The following RGS3 variants were observed in gnomAD, a reference collection of about 807,000 sequenced individuals.
RGS3 encodes the protein regulator of G-protein signalling 3.
A neutral mutation model predicts 132.6 loss-of-function variants in RGS3; 80 were observed. The observed-to-expected ratio is 0.60, with a 90% CI of 0.50 to 0.73. The LOEUF is 0.73. RGS3 is among the 30% of genes least tolerant of loss of function. The probability of loss-of-function intolerance (pLI) is 0.00; values close to 1 mark genes in which losing one functional copy is unlikely to be tolerated. For synonymous variants in RGS3, 598 were observed against 620.6 expected, an observed-to-expected ratio of 0.96 and a Z score of 0.54; for missense variants, 1,382 against 1,530.8, an observed-to-expected ratio of 0.90 and a Z score of 1.62.
At chr9:113,584,358 C>T (rs200032489) in exon 20 of RGS3, 2 of 1,571,248 alleles carry the variant, frequency 1.3e-6, no homozygotes, top group African/African-American at 1.4e-5. Flanking sequence ...CCAGCACCCT[C>T]AAGAAAGAGC....
chr9:113,472,099 T>TA (rs1829853841), intron 3 of RGS3, among the ~76,000 whole-genome samples: 1 of 151,978 alleles, frequency 6.6e-6, no homozygotes, highest in African/African-American at 2.4e-5. Context: ...ATGACTATAA[T>TA]AAAAAAAGAG....
At chr9:113,453,109 A>G (rs1005354994) in intron 1 of RGS3, among the ~76,000 whole-genome samples, 1 of 134,964 alleles carries the variant, frequency 7.4e-6, no homozygotes, top group Non-Finnish European at 1.5e-5. Flanking sequence ...ATATAAATTT[A>G]CATACTCATT....
rs758384350 is a variant in RGS3 at position 113,463,837 on chromosome 9, G to C, written c.415+1636G>C. On this transcript the variant is annotated intron_variant, in intron 3 of 24. Transcript: ENST00000350696. This position sits in a 1 kb window ranked among gnomAD's most constrained non-coding sequence, Gnocchi z 4.6. ...TCCCTGCACCGCGTCTCCCTCGGGAGCCGGCGTGCCCACCCGGACTTGTCC... is the reference window on the plus strand; with the variant it reads ...TCCCTGCACCGCGTCTCCCTCGGGACCCGGCGTGCCCACCCGGACTTGTCC... 1 of 1,613,072 alleles carries C rather than the reference G, an allele frequency of 6.2e-7. No homozygotes were observed. Among genetic ancestry groups the C allele is most frequent in the East Asian group, 2.2e-5 (1 of 44,832 alleles).
intron 15 of RGS3, among the ~76,000 whole-genome samples, chr9:113,515,262 G>A (rs1187802143): frequency 6.6e-6 from 1 of 152,162 alleles, no homozygotes; most frequent in Non-Finnish European, 1.5e-5. Context: ...ACAATGAGCT[G>A]TGATCATAAC....
chr9:113,458,376 T>C (rs143164896), upstream of RGS3, among the ~76,000 whole-genome samples: 1 of 152,374 alleles, frequency 6.6e-6, no homozygotes, highest in East Asian at 1.9e-4. Context: ...TGGTAGGCCA[T>C]AGTTTGCCAA....
rs747267512 is a variant in RGS3 at position 113,517,321 on chromosome 9, G to T, written c.1675-220G>T. ...TAGCTCTCACGGTGAGGGTTGATGG[G>T]GAAGGTGGCAGCAACAGTTCCACAG... On this transcript the variant is annotated intron_variant, in intron 15 of 24. Coordinates refer to ENST00000350696, the Ensembl canonical transcript of RGS3. 4 of 669,076 alleles carry T rather than the reference G, an allele frequency of 6.0e-6. No individual in the cohort carries two copies. The South Asian group carries it at 6.0e-5, about 10-fold the overall frequency. The allele number at this position is 669,076 out of a possible 1,614,324, so 41.4% of individuals were successfully genotyped here.
intron 14 of RGS3, 60 bp from the exon 13 acceptor site, chr9:113,514,398 A>T (rs1417798341): frequency 6.8e-7 from 1 of 1,468,442 alleles, no homozygotes; most frequent in Non-Finnish European, 9.4e-7. Flanking sequence ...GTTTCTACAG[A>T]GGGGACACCT....
chr9:113,591,888 A>G lies in RGS3; in HGVS notation c.3080+491A>G, dbSNP rs1835448487. The G allele has an allele frequency of 5.9e-6, 1 of 170,116 alleles. No individual in the cohort carries two copies. The highest frequency in any genetic ancestry group is 1.4e-4 in the South Asian group (1 of 7,048). 10.5% of individuals were successfully genotyped at this position (170,116 alleles called of 1,614,324 possible). On this transcript the variant is annotated intron_variant, in intron 21 of 24. Transcript: ENST00000350696. This position sits in a 1 kb window ranked among gnomAD's most constrained non-coding sequence, Gnocchi z 4.4. ...CCGCACTCGCCAAGCCTTTCTGGCC[A>G]CACTCAGGCCTTCTTATACTATAGG...
At chr9:113,539,240 C>G (rs1371016358) in intron 19 of RGS3, among the ~76,000 whole-genome samples, 1 of 152,214 alleles carries the variant, frequency 6.6e-6, no homozygotes. Flanking sequence ...GTCTCCATCT[C>G]TAGGGCAGAA....
intron 1 of RGS3, among the ~76,000 whole-genome samples, chr9:113,460,747 A>G (rs1829452869): frequency 6.6e-6 from 1 of 151,840 alleles, no homozygotes; most frequent in Admixed American, 6.6e-5. Context: ...TATTTTTCTA[A>G]GTTTTCTTGG....
chr9:113,589,969 G>T (rs1835334919), intron 20 of RGS3: 1 of 152,258 alleles, frequency 6.6e-6, no homozygotes, highest in African/African-American at 2.4e-5. Context: ...ACACCATACG[G>T]TGTGTGCCTC....
At chr9:113,445,165 T>C (rs1380057338) in intron 1 of RGS3, among the ~76,000 whole-genome samples, 1 of 152,146 alleles carries the variant, frequency 6.6e-6, no homozygotes, top group Non-Finnish European at 1.5e-5. Context: ...CCACTTGCTT[T>C]GGGTTACCAT....
At chr9:113,517,337 A>C in intron 15 of RGS3, 1 of 682,148 alleles carries the variant, frequency 1.5e-6, no homozygotes, top group Non-Finnish European at 2.7e-6. Context: ...TGGCAGCAAC[A>C]GTTCCACAGG....
chr9:113,596,700 C>T (rs1047550274), intron 24 of RGS3, 68 bp from the exon 23 acceptor site: 14 of 1,421,916 alleles, frequency 9.8e-6, no homozygotes, highest in Non-Finnish European at 1.3e-5. Flanking sequence ...GGGTCCCTTC[C>T]AGGCACATGG....
intron 7 of RGS3, among the ~76,000 whole-genome samples, 200 bp downstream of exon 5, chr9:113,485,893 T>C (rs1475549168): frequency 6.6e-6 from 1 of 152,216 alleles, no homozygotes; most frequent in Non-Finnish European, 1.5e-5. Flanking sequence ...AATGAGCATT[T>C]GCTGAGCACT....
At chr9:113,544,516 C>G (rs1833030016) in intron 19 of RGS3, among the ~76,000 whole-genome samples, 1 of 152,006 alleles carries the variant, frequency 6.6e-6, no homozygotes, top group Non-Finnish European at 1.5e-5. Flanking sequence ...TACCAAAGTC[C>G]TCATTTGTCA....
exon 6 of RGS3, chr9:113,484,147 A>G (rs886286777): frequency 1.2e-6 from 2 of 1,607,144 alleles, no homozygotes; most frequent in African/African-American, 1.3e-5. Flanking sequence ...GATTTCTTTG[A>G]TCCCTGAAGA....
chr9:113,490,780 TATA>T (rs1475249433), intron 7 of RGS3, among the ~76,000 whole-genome samples: 2 of 138,304 alleles, frequency 1.4e-5, no homozygotes, highest in Admixed American at 7.5e-5. Flanking sequence ...ATAACTTAAA[TATA>T]ATTATATATC....
At position 113,533,777 on chromosome 9, in the gene RGS3, G is replaced by A. The variant is rs1832568606; in HGVS notation, c.1915-3019G>A. On this transcript the variant is annotated intron_variant, in intron 18 of 24. Coordinates refer to ENST00000350696, the Ensembl canonical transcript of RGS3. ...CCTGCCTCACCCCCCACCTTTACAT[G>A]GGAACACTGGAGACAGGGAGCAGAG... Among the ~76,000 whole-genome samples, 5 of 152,262 alleles carry A rather than the reference G, an allele frequency of 3.3e-5. No individual in the cohort carries two copies. In the South Asian group the frequency reaches 1.0e-3, roughly 31 times the overall value.
Sources: gnomAD v4.1 joint callset for allele counts (sites outside exome capture counted in the v4.1 genomes callset) on GRCh38, gnomAD v4.1.1 for gene constraint, Gnocchi (gnomAD v3.1) non-coding constraint, MANE v1.5 for transcripts, NCBI Gene and HGNC (gene_info 2026-07-23, HGNC 2026-07-21) for gene names.